The following PRELID2 variants were observed in gnomAD, a reference collection of about 807,000 sequenced individuals.
The protein encoded by PRELID2 is PRELI domain-containing protein 2.
Under a neutral mutation model 28.4 loss-of-function variants are expected in PRELID2, and 25 were observed. That is an observed-to-expected ratio of 0.88 (90% CI 0.64 to 1.23). PRELID2 has a LOEUF of 1.23. Among genes scored for constraint, PRELID2 ranks in the 50% most tolerant of loss-of-function variants. PRELID2 has a pLI of 0.00. For missense variants in PRELID2, 201 were observed against 214.4 expected (o/e 0.94, Z 0.39); for synonymous variants, 76 against 71.6 (o/e 1.06, Z -0.31).
chr5:145,418,304 C>T, the PRELID2 span, among the ~76,000 whole-genome samples: 9 of 152,060 alleles, frequency 5.9e-5, no homozygotes, highest in African/African-American at 1.9e-4. Context: ...ATGAAAATGG[C>T]CATCCAGTAC....
At chr5:145,365,463 C>T in the PRELID2 span, among the ~76,000 whole-genome samples, 1 of 151,758 alleles carries the variant, frequency 6.6e-6, no homozygotes, top group South Asian at 2.1e-4. Flanking sequence ...AAGATTGTGA[C>T]TTACACGTGG....
At chr5:145,317,307 T>C in the PRELID2 span, among the ~76,000 whole-genome samples, 5 of 152,200 alleles carry the variant, frequency 3.3e-5, no homozygotes, top group African/African-American at 1.2e-4. Flanking sequence ...TGCCATCATA[T>C]GAAAAGGGTG....
rs1045609336 is a variant in PRELID2, at chr5:145,775,787, T to C, written c.475-10787A>G. On this transcript the variant is annotated intron_variant, in intron 5 of 6. Coordinates refer to ENST00000683046, the MANE Select transcript of PRELID2 (RefSeq NM_205846.3). ...CTGTCATTAACAAAAGCAACATAAATATGATAGCTTGACTTCACTCCTCAT... is the reference window on the plus strand; with the variant it reads ...CTGTCATTAACAAAAGCAACATAAACATGATAGCTTGACTTCACTCCTCAT... Among the ~76,000 whole-genome samples, 6 of 152,164 alleles carry C rather than the reference T, an allele frequency of 3.9e-5. No individual in the cohort carries two copies. The East Asian group carries it at 7.7e-4, about 20-fold the overall frequency.
chr5:145,747,478 A>G (rs1201666421), intron 1 of PRELID2, among the ~76,000 whole-genome samples: 1 of 152,186 alleles, frequency 6.6e-6, no homozygotes, highest in Non-Finnish European at 1.5e-5. Flanking sequence ...TAAATCAGGA[A>G]GAAGTTGAAT....
chr5:145,826,120 C>T, intron 1 of PRELID2: 1 of 985,400 alleles, frequency 1.0e-6, no homozygotes. Flanking sequence ...AACTGAGCAG[C>T]TACTGTGTTC....
chr5:145,684,329 C>A (rs1045545812), intron 1 of PRELID2, among the ~76,000 whole-genome samples: 3 of 152,154 alleles, frequency 2.0e-5, no homozygotes, highest in East Asian at 1.9e-4. Context: ...TCTTTGTGGA[C>A]CTCCTTCATG....
At chr5:145,740,580 ATTATATATAT>A (rs1756646409) in intron 1 of PRELID2, among the ~76,000 whole-genome samples, 1 of 114,280 alleles carries the variant, frequency 8.8e-6, no homozygotes. Context: ...AAATATATAT[ATTATATATAT>A]AAATATATAT....
At chr5:145,478,158 T>A (rs1752120516) in intron 1 of PRELID2, among the ~76,000 whole-genome samples, 1 of 152,164 alleles carries the variant, frequency 6.6e-6, no homozygotes. Flanking sequence ...TTGTCCAGGG[T>A]AGTAGCCATT....
At chr5:145,450,023 C>A in the PRELID2 span, among the ~76,000 whole-genome samples, 1 of 152,078 alleles carries the variant, frequency 6.6e-6, no homozygotes, top group African/African-American at 2.4e-5. Flanking sequence ...AAAATAAAAA[C>A]GAAATGCAAA....
chr5:145,521,928 T>A (rs116689432), intron 1 of PRELID2, among the ~76,000 whole-genome samples: 5,765 of 152,262 alleles, frequency 0.038, 196 homozygotes, highest in South Asian at 0.16. Flanking sequence ...CTAGAAAAAA[T>A]TTTAACATCA....
intron 1 of PRELID2, among the ~76,000 whole-genome samples, chr5:145,745,777 C>T (rs1037589953): frequency 6.6e-6 from 1 of 151,986 alleles, no homozygotes; most frequent in Non-Finnish European, 1.5e-5. Flanking sequence ...GCAGGAGAAT[C>T]GCTTGAACCC....
intron 1 of PRELID2, among the ~76,000 whole-genome samples, chr5:145,732,551 A>G (rs1756375428): frequency 6.6e-6 from 1 of 152,234 alleles, no homozygotes; most frequent in African/African-American, 2.4e-5. Context: ...TTAATTGGAT[A>G]TAATGTTAAG....
chr5:145,439,915 TC>T, the PRELID2 span, among the ~76,000 whole-genome samples: 2 of 152,116 alleles, frequency 1.3e-5, no homozygotes, highest in Middle Eastern at 3.4e-3. Context: ...AACTCCAAAA[TC>T]TCCCTGTTGC....
intron 2 of PRELID2, among the ~76,000 whole-genome samples, chr5:145,472,769 G>A (rs1348481395): frequency 2.0e-5 from 3 of 152,202 alleles, no homozygotes; most frequent in Admixed American, 2.0e-4. Context: ...GAGGAGACAC[G>A]ATATAAGAAC....
At chr5:145,468,859 G>T (rs1341492751), downstream of PRELID2, among the ~76,000 whole-genome samples, 1 of 152,144 alleles carries the variant, frequency 6.6e-6, no homozygotes, top group Non-Finnish European at 1.5e-5. Context: ...CTCCCATTCT[G>T]TAGGTTGCCT....
the PRELID2 span, among the ~76,000 whole-genome samples, chr5:145,398,017 T>G: frequency 3.9e-5 from 6 of 152,124 alleles, no homozygotes; most frequent in Non-Finnish European, 7.4e-5. Flanking sequence ...GGCTAGAGTT[T>G]GAAATGAACT....
intron 1 of PRELID2, among the ~76,000 whole-genome samples, chr5:145,600,917 C>A (rs373132518): frequency 2.0e-5 from 3 of 152,220 alleles, no homozygotes; most frequent in East Asian, 1.9e-4. Flanking sequence ...TTTGGGCAGC[C>A]AAGGCAGGAG....
chr5:145,416,694 C>G, the PRELID2 span, among the ~76,000 whole-genome samples: 2 of 152,000 alleles, frequency 1.3e-5, no homozygotes, highest in Non-Finnish European at 2.9e-5. Flanking sequence ...CAACAAAAAG[C>G]TAGAAAGATC....
chr5:145,538,877 G>A (rs1752722753), intron 1 of PRELID2, among the ~76,000 whole-genome samples: 1 of 151,810 alleles, frequency 6.6e-6, no homozygotes, highest in African/African-American at 2.4e-5. Flanking sequence ...CTTGTTAAAG[G>A]AAAGATTTAT....
Sources: allele counts gnomAD v4.1 joint callset (sites outside exome capture counted in the v4.1 genomes callset), GRCh38; gene constraint gnomAD v4.1.1; transcripts MANE v1.5; gene names NCBI Gene and HGNC (gene_info 2026-07-23, HGNC 2026-07-21).